Variants in NOX4 observed in about 807,000 individuals in gnomAD.
The protein encoded by NOX4 is kidney oxidase-1.
A neutral mutation model predicts 87.6 loss-of-function variants in NOX4; 69 were observed. That is an observed-to-expected ratio of 0.79 (90% CI 0.65 to 0.96). The LOEUF (loss-of-function observed/expected upper bound fraction) is 0.96, where lower values mean the gene tolerates loss of function less well. NOX4 is among the 40% of genes least tolerant of loss of function. The probability of loss-of-function intolerance (pLI) is 0.00; values close to 1 mark genes in which losing one functional copy is unlikely to be tolerated. For synonymous variants in NOX4, 275 were observed against 238.2 expected (o/e 1.15, Z -1.42); for missense variants, 680 against 681.5 (o/e 1.00, Z 0.02).
At chr11:89,502,375 G>A (rs116152802), upstream of NOX4, among the ~76,000 whole-genome samples, 894 of 152,038 alleles carry the variant, frequency 5.9e-3, 8 homozygotes, top group African/African-American at 0.02. Flanking sequence ...TAGTCTTATC[G>A]GTTAAAGAGA....
At chr11:89,423,914 A>C (rs1305131968) in intron 7 of NOX4, among the ~76,000 whole-genome samples, 1 of 151,976 alleles carries the variant, frequency 6.6e-6, no homozygotes, top group Non-Finnish European at 1.5e-5. Context: ...CAATTAAAAA[A>C]AATAAAATTA....
At chr11:89,461,500 C>G (rs1945462565) in intron 2 of NOX4, among the ~76,000 whole-genome samples, 1 of 151,542 alleles carries the variant, frequency 6.6e-6, no homozygotes, top group Non-Finnish European at 1.5e-5. Context: ...AAAAAATTGA[C>G]CGGGTGTGGT....
intron 1 of NOX4, 120 bp from the exon 2 acceptor site, chr11:89,490,673 T>C (rs773344238): frequency 4.0e-6 from 3 of 755,514 alleles, no homozygotes; most frequent in South Asian, 2.9e-5. Flanking sequence ...AATCAGTAAC[T>C]GCAGAAAGCA....
chr11:89,506,915 A>G, the NOX4 span, among the ~76,000 whole-genome samples: 1 of 151,930 alleles, frequency 6.6e-6, no homozygotes, highest in African/African-American at 2.4e-5. Context: ...AAGGCTTTAA[A>G]TGGTGTCAGG....
At chr11:89,352,248 C>A in intron 13 of NOX4, among the ~76,000 whole-genome samples, 1 of 152,120 alleles carries the variant, frequency 6.6e-6, no homozygotes, top group East Asian at 1.9e-4. Flanking sequence ...ACATACGTAC[C>A]ACAAAAATTT....
At chr11:89,491,408 G>T, upstream of NOX4, 1 of 637,754 alleles carries the variant, frequency 1.6e-6, no homozygotes, top group South Asian at 2.2e-5. Flanking sequence ...GAGCCAGCCC[G>T]GGCGGGGTCT....
At chr11:89,419,651 A>C (rs896428120) in intron 8 of NOX4, among the ~76,000 whole-genome samples, 1 of 151,846 alleles carries the variant, frequency 6.6e-6, no homozygotes, top group Non-Finnish European at 1.5e-5. Context: ...ATTATATATA[A>C]TTCATCCTAT....
chr11:89,374,620 A>G (rs191751566), intron 11 of NOX4, among the ~76,000 whole-genome samples: 1 of 152,172 alleles, frequency 6.6e-6, no homozygotes, highest in Non-Finnish European at 1.5e-5. Flanking sequence ...GACAAGACAA[A>G]ATTTGGATCC....
chr11:89,384,529 G>T (rs1261287653), intron 11 of NOX4, among the ~76,000 whole-genome samples: 1 of 151,978 alleles, frequency 6.6e-6, no homozygotes, highest in East Asian at 1.9e-4. Flanking sequence ...TCCTTCCTAG[G>T]CATGGTTGGC....
At chr11:89,578,482 T>C in the NOX4 span, among the ~76,000 whole-genome samples, 1 of 152,202 alleles carries the variant, frequency 6.6e-6, no homozygotes, top group African/African-American at 2.4e-5. Context: ...AAATCATTTC[T>C]AATAGATATA....
At chr11:89,370,717 T>G (rs1393932084) in intron 12 of NOX4, among the ~76,000 whole-genome samples, 2 of 152,060 alleles carry the variant, frequency 1.3e-5, no homozygotes, top group East Asian at 3.9e-4. Flanking sequence ...TTTAAGGGTC[T>G]TCTAAACTTT....
the NOX4 span, among the ~76,000 whole-genome samples, chr11:89,515,448 C>T: frequency 2.0e-5 from 3 of 151,658 alleles, no homozygotes; most frequent in African/African-American, 7.2e-5. Flanking sequence ...GTCTGTTTTA[C>T]ATTTATATAT....
the NOX4 span, among the ~76,000 whole-genome samples, chr11:89,534,220 T>G: frequency 6.6e-6 from 1 of 152,368 alleles, no homozygotes; most frequent in East Asian, 1.9e-4. Context: ...TTCCTGCCTT[T>G]GTGCTTCCTG....
At chr11:89,469,884 T>G (rs1430274706) in intron 2 of NOX4, among the ~76,000 whole-genome samples, 1 of 152,130 alleles carries the variant, frequency 6.6e-6, no homozygotes, top group Non-Finnish European at 1.5e-5. Flanking sequence ...ATAAACCACT[T>G]TCTACTACCA....
chr11:89,355,847 G>A (rs780275175), intron 12 of NOX4, among the ~76,000 whole-genome samples: 1 of 152,142 alleles, frequency 6.6e-6, no homozygotes, highest in Non-Finnish European at 1.5e-5. Context: ...TAGACAGCAA[G>A]TATGAGCATG....
chr11:89,350,072 G>A (rs552982617), intron 13 of NOX4, among the ~76,000 whole-genome samples: 4 of 152,030 alleles, frequency 2.6e-5, no homozygotes, highest in Non-Finnish European at 4.4e-5. Context: ...CCACTCATCT[G>A]TCTCTTTCTG....
At chr11:89,360,073 G>C (rs969998247) in intron 12 of NOX4, among the ~76,000 whole-genome samples, 6 of 151,900 alleles carry the variant, frequency 3.9e-5, no homozygotes, top group Admixed American at 3.9e-4. Context: ...CCTATTAATA[G>C]TATTAGAAGT....
chr11:89,551,239 C>T, the NOX4 span, among the ~76,000 whole-genome samples: 1 of 152,138 alleles, frequency 6.6e-6, no homozygotes, highest in Non-Finnish European at 1.5e-5. Context: ...TAGCGTGATG[C>T]CTCCAACTTC....
At chr11:89,372,980 A>G (rs1939557394) in intron 12 of NOX4, among the ~76,000 whole-genome samples, 2 of 152,092 alleles carry the variant, frequency 1.3e-5, no homozygotes, top group South Asian at 4.1e-4. Flanking sequence ...TGTGAAAAAT[A>G]TCTATTCCAA....
Sources: allele counts gnomAD v4.1 joint callset (sites outside exome capture counted in the v4.1 genomes callset), GRCh38; gene constraint gnomAD v4.1.1; transcripts MANE v1.5; gene names NCBI Gene and HGNC (gene_info 2026-07-23, HGNC 2026-07-21).